Variants in TCF7L1 observed in about 807,000 individuals in gnomAD.
TCF7L1 encodes the protein transcription factor 7-like 1.
In TCF7L1, 18 loss-of-function variants were observed where a neutral mutation model predicts 63.7. That is an observed-to-expected ratio of 0.28 (90% CI 0.20 to 0.42). TCF7L1 has a LOEUF of 0.42. TCF7L1 is among the 10% of genes least tolerant of loss of function. The pLI is 1.00. For missense variants in TCF7L1, 654 were observed against 779.3 expected (o/e 0.84, Z 1.91); for synonymous variants, 355 against 340.9 (o/e 1.04, Z -0.46).
intron 3 of TCF7L1, among the ~76,000 whole-genome samples, chr2:85,258,115 A>G (rs1004411773): frequency 1.3e-5 from 2 of 152,230 alleles, no homozygotes; most frequent in African/African-American, 4.8e-5. Flanking sequence ...TGTATTCATT[A>G]TCTGGGATAA....
Position 85,182,396 on chromosome 2 carries a change from A to G in TCF7L1, c.441+47946A>G, listed in dbSNP as rs555716879. ...GTGCCAGGGAGCTGAGGGTAGAAGG[A>G]ATGTATTAATGCCAGCAGCTGCTCT... On this transcript the variant is annotated intron_variant, in intron 3 of 11. Transcript: ENST00000282111. Among the ~76,000 whole-genome samples, 5 of 152,236 alleles carry G rather than the reference A, an allele frequency of 3.3e-5. No individual in the cohort carries two copies. The East Asian group carries it at 9.7e-4, about 29-fold the overall frequency.
intron 3 of TCF7L1, among the ~76,000 whole-genome samples, chr2:85,256,164 C>G (rs569824872): frequency 6.6e-6 from 1 of 152,166 alleles, no homozygotes; most frequent in Non-Finnish European, 1.5e-5. Context: ...GTAACTAGTT[C>G]GGGCAGTTTC....
chr2:85,215,052 C>T (rs2104294041), intron 3 of TCF7L1, among the ~76,000 whole-genome samples: 1 of 152,294 alleles, frequency 6.6e-6, no homozygotes, highest in Non-Finnish European at 1.5e-5. Flanking sequence ...AACTCCAGCC[C>T]TGTGCCCTGA....
At chr2:85,228,421 G>C (rs879062733) in intron 3 of TCF7L1, among the ~76,000 whole-genome samples, 1 of 152,056 alleles carries the variant, frequency 6.6e-6, no homozygotes, top group Admixed American at 6.6e-5. Context: ...ACAAAATTCT[G>C]TTTAATAAAA....
chr2:85,304,013 C>T lies in TCF7L1; in HGVS notation c.761+16C>T. On this transcript the variant is annotated intron_variant, in intron 6 of 11. Coordinates refer to ENST00000282111, the MANE Select transcript of TCF7L1 (RefSeq NM_031283.3). ...TCGTCCCACAGTAAGGAACCCACAG[C>T]CTCTCTTCCCCCTGCTCCCTCCTTG... 6.4e-7 allele frequency: 1 copy of T among 1,565,376 alleles called. No individual in the cohort carries two copies.
At chr2:85,180,361 C>T (rs764695832) in intron 3 of TCF7L1, among the ~76,000 whole-genome samples, 11 of 151,848 alleles carry the variant, frequency 7.2e-5, no homozygotes, top group East Asian at 1.9e-4. Context: ...ATGTGAGCTA[C>T]GGTGCCCCAA....
At chr2:85,305,013 T>C (rs888565265) in intron 7 of TCF7L1, among the ~76,000 whole-genome samples, 1 of 152,156 alleles carries the variant, frequency 6.6e-6, no homozygotes, top group African/African-American at 2.4e-5. Context: ...CCTCCCCTTT[T>C]GTGTGTTTCA....
chr2:85,249,714 C>G (rs1326875991), intron 3 of TCF7L1, among the ~76,000 whole-genome samples: 2 of 152,188 alleles, frequency 1.3e-5, no homozygotes. Context: ...TGGAACATAT[C>G]CCTGAGTTTT....
intron 3 of TCF7L1, among the ~76,000 whole-genome samples, chr2:85,172,378 C>T (rs1350591613): frequency 1.3e-5 from 2 of 152,242 alleles, no homozygotes; most frequent in Non-Finnish European, 2.9e-5. Context: ...TTGGCACACT[C>T]TTGTCACACA....
intron 3 of TCF7L1, among the ~76,000 whole-genome samples, chr2:85,235,166 T>C (rs977630960): frequency 1.3e-5 from 2 of 152,128 alleles, no homozygotes; most frequent in East Asian, 1.9e-4. Context: ...GTTGCCACCA[T>C]ACTGTTAACC....
intron 8 of TCF7L1, 97 bp downstream of exon 8, chr2:85,305,500 T>C: frequency 7.0e-7 from 1 of 1,422,784 alleles, no homozygotes; most frequent in South Asian, 1.4e-5. Context: ...TCTTCTCTCT[T>C]GGTGTCACTC....
At chr2:85,137,682 C>T (rs111462901) in intron 3 of TCF7L1, among the ~76,000 whole-genome samples, 34,682 of 151,944 alleles carry the variant, frequency 0.23, 4,280 homozygotes, top group Non-Finnish European at 0.26. Flanking sequence ...CACCTGAGGT[C>T]GGGAGTTCGA....
rs35105812 is a variant in TCF7L1 at position 85,223,582 on chromosome 2, T to TG, written c.442-59911dup. On this transcript the variant is annotated intron_variant, in intron 3 of 11. Transcript: ENST00000282111. ...TCCCCAGGTGGAGCTGGATAGATAC[T>TG]GGTGTGCTGAGAATGAGAAGGAGGA... 4.8e-3 allele frequency among the ~76,000 whole-genome samples: 725 copies of TG among 152,184 alleles called. 2 individuals carry two copies. Among genetic ancestry groups the TG allele is most frequent in the African/African-American group, 0.017 (691 of 41,506 alleles).
intron 3 of TCF7L1, among the ~76,000 whole-genome samples, chr2:85,225,822 G>A (rs562835511): frequency 6.6e-6 from 1 of 152,300 alleles, no homozygotes; most frequent in Admixed American, 6.5e-5. Flanking sequence ...GTGTTGATAG[G>A]AGTGGTGAGA....
intron 4 of TCF7L1, among the ~76,000 whole-genome samples, chr2:85,290,580 A>T (rs1681684391): frequency 6.6e-6 from 1 of 152,204 alleles, no homozygotes. Flanking sequence ...CACCACAATC[A>T]AGATATAGAA....
Position 85,285,680 on chromosome 2 carries a change from G to A in TCF7L1, c.525+2102G>A, listed in dbSNP as rs576208722. The stretch of plus-strand genomic sequence containing the variant: ...GTGCCAGTCAGCCCTGGTGGAGGAT[G>A]TGCGGACCACATCTGCCCACCCTAG... On this transcript the variant is annotated intron_variant, in intron 4 of 11. Transcript: ENST00000282111. 3.3e-5 allele frequency among the ~76,000 whole-genome samples: 5 copies of A among 152,330 alleles called. No individual in the cohort carries two copies. In the South Asian group the frequency reaches 8.3e-4, roughly 25 times the overall value.
intron 3 of TCF7L1, among the ~76,000 whole-genome samples, chr2:85,180,585 C>T (rs1399545881): frequency 2.0e-5 from 3 of 152,224 alleles, no homozygotes; most frequent in African/African-American, 7.2e-5. Flanking sequence ...GAATCTTCCA[C>T]ACCACCTGGC....
At chr2:85,213,372 C>T (rs886674730) in intron 3 of TCF7L1, among the ~76,000 whole-genome samples, 2 of 152,174 alleles carry the variant, frequency 1.3e-5, no homozygotes, top group African/African-American at 2.4e-5. Flanking sequence ...ATGGTTTCCA[C>T]CTCCCAATGA....
chr2:85,203,243 G>T (rs1679318869), intron 3 of TCF7L1, among the ~76,000 whole-genome samples: 1 of 152,146 alleles, frequency 6.6e-6, no homozygotes, highest in African/African-American at 2.4e-5. Flanking sequence ...TATTTCTGAG[G>T]TATTATGTGT....
Sources: gnomAD v4.1 joint callset for allele counts (sites outside exome capture counted in the v4.1 genomes callset) on GRCh38, gnomAD v4.1.1 for gene constraint, MANE v1.5 for transcripts, NCBI Gene and HGNC (gene_info 2026-07-23, HGNC 2026-07-21) for gene names.